Variants in ANKS1B observed in about 807,000 individuals in gnomAD.
The protein encoded by ANKS1B is ankyrin repeat and sterile alpha motif domain containing 1B.
Under a neutral mutation model 148.3 loss-of-function variants are expected in ANKS1B, and 36 were observed. That is an observed-to-expected ratio of 0.24 (90% confidence interval 0.19 to 0.32). The LOEUF (loss-of-function observed/expected upper bound fraction) is 0.32. ANKS1B is among the 10% of genes least tolerant of loss of function. The pLI, the probability that ANKS1B is intolerant of heterozygous loss-of-function variation, is 1.00. For missense variants in ANKS1B, 1,157 were observed against 1,542.6 expected, an observed-to-expected ratio of 0.75 and a Z score of 4.19; for synonymous variants, 542 against 560.8, an observed-to-expected ratio of 0.97 and a Z score of 0.47.
At chr12:99,135,181 T>A (rs1279292234) in intron 15 of ANKS1B, among the ~76,000 whole-genome samples, 2 of 152,152 alleles carry the variant, frequency 1.3e-5, no homozygotes, top group African/African-American at 4.8e-5. Context: ...GCCAAAATTT[T>A]AAAAATCTAT....
At chr12:99,662,058 C>T (rs2098480250) in intron 8 of ANKS1B, among the ~76,000 whole-genome samples, 1 of 152,204 alleles carries the variant, frequency 6.6e-6, no homozygotes, top group Admixed American at 6.5e-5. Flanking sequence ...CAGCCTTGGA[C>T]TGCCTAGCTC....
chr12:99,838,604 G>A (rs1014706052), intron 1 of ANKS1B, among the ~76,000 whole-genome samples: 2 of 151,896 alleles, frequency 1.3e-5, no homozygotes, highest in Non-Finnish European at 2.9e-5. Context: ...CGAACTTATG[G>A]TGTACTTTGC....
chr12:99,398,834 T>C (rs999636769), intron 12 of ANKS1B, among the ~76,000 whole-genome samples: 1 of 152,174 alleles, frequency 6.6e-6, no homozygotes, highest in African/African-American at 2.4e-5. Context: ...TTCCCCTTTT[T>C]TGTAAAACCT....
At chr12:98,760,880 G>A (rs533158249) in intron 25 of ANKS1B, among the ~76,000 whole-genome samples, 1 of 152,298 alleles carries the variant, frequency 6.6e-6, no homozygotes, top group African/African-American at 2.4e-5. Flanking sequence ...TTTGATCTCT[G>A]CACGAAGTCA....
At position 99,253,548 on chromosome 12, in the gene ANKS1B, G is replaced by T. The variant is rs1030679806; in HGVS notation, c.1757-6684C>A. ...ATGACATCCCTTCTCATTAAACGTG[G>T]GAAACAAAAAAGGATTTAGATAGAG... On this transcript the variant is annotated intron_variant, in intron 12 of 26. Coordinates refer to ENST00000683438, the MANE Select transcript of ANKS1B (RefSeq NM_001352186.2). 7.3e-5 allele frequency among the ~76,000 whole-genome samples: 11 copies of T among 151,638 alleles called. No homozygotes were observed. In the South Asian group the frequency reaches 1.0e-3, roughly 14 times the overall value.
intron 11 of ANKS1B, among the ~76,000 whole-genome samples, chr12:99,428,188 G>A (rs1417020895): frequency 1.3e-5 from 2 of 152,156 alleles, no homozygotes; most frequent in Non-Finnish European, 2.9e-5. Context: ...GTGAGGAGGT[G>A]TCCACATGTG....
At chr12:99,242,702 C>A (rs955767557) in intron 14 of ANKS1B, among the ~76,000 whole-genome samples, 2 of 152,086 alleles carry the variant, frequency 1.3e-5, no homozygotes, top group Non-Finnish European at 2.9e-5. Context: ...GATATATAGA[C>A]CAATGGAACA....
intron 14 of ANKS1B, among the ~76,000 whole-genome samples, chr12:99,226,459 G>C (rs1252540039): frequency 6.6e-6 from 1 of 152,150 alleles, no homozygotes; most frequent in East Asian, 1.9e-4. Flanking sequence ...GGAAATTCTT[G>C]TTTGATACAG....
intron 12 of ANKS1B, among the ~76,000 whole-genome samples, chr12:99,270,332 GA>G (rs1246158966): frequency 2.0e-5 from 3 of 152,076 alleles, no homozygotes; most frequent in Non-Finnish European, 4.4e-5. Flanking sequence ...GGCCTATTCT[GA>G]TCCCTAATTT....
chr12:99,100,427 T>C (rs538068810), intron 15 of ANKS1B, among the ~76,000 whole-genome samples: 3 of 152,318 alleles, frequency 2.0e-5, no homozygotes, highest in African/African-American at 7.2e-5. Context: ...ACTTTAAGTA[T>C]GGAGAATTCA....
chr12:98,958,464 A>G (rs1263137341), intron 17 of ANKS1B, among the ~76,000 whole-genome samples: 1 of 152,212 alleles, frequency 6.6e-6, no homozygotes, highest in South Asian at 2.1e-4. Flanking sequence ...GACTACTTCC[A>G]TGTCACTCTG....
At chr12:99,806,795 T>C (rs1602552375) in intron 3 of ANKS1B, 95 bp from the exon 4 acceptor site, 2 of 1,146,826 alleles carry the variant, frequency 1.7e-6, no homozygotes, top group Non-Finnish European at 2.4e-6. Context: ...TGCTTTGAAA[T>C]GTAAGTTAAG....
intron 12 of ANKS1B, among the ~76,000 whole-genome samples, chr12:99,361,312 C>T (rs905002890): frequency 1.3e-5 from 2 of 152,046 alleles, no homozygotes; most frequent in Non-Finnish European, 2.9e-5. Context: ...TTTGTCATCA[C>T]AGAAAAAGTT....
At chr12:99,108,389 A>C (rs2059648551) in intron 15 of ANKS1B, among the ~76,000 whole-genome samples, 1 of 152,234 alleles carries the variant, frequency 6.6e-6, no homozygotes, top group Admixed American at 6.5e-5. Context: ...ACTAACACAT[A>C]GTAGTCAATT....
chr12:99,288,488 G>C (rs1029332384), intron 12 of ANKS1B, among the ~76,000 whole-genome samples: 1 of 152,056 alleles, frequency 6.6e-6, no homozygotes, highest in African/African-American at 2.4e-5. Context: ...AAACTCACTG[G>C]TCATAATAAA....
At position 99,093,866 on chromosome 12, in the gene ANKS1B, G is replaced by A. The variant is rs996310763; in HGVS notation, c.2527-8843C>T. On this transcript the variant is annotated intron_variant, in intron 15 of 26. Transcript: ENST00000683438. ...GAGCAAAGAGGAAGAGAAAGGGAGG[G>A]AGGAAATGAGAGGAAGTGTTTATTC... Among the ~76,000 whole-genome samples the A allele has an allele frequency of 2.0e-5, 3 of 152,186 alleles. No homozygotes were observed. In the East Asian group the frequency reaches 5.8e-4, roughly 29 times the overall value.
At chr12:99,632,481 A>C (rs2098171348) in intron 9 of ANKS1B, among the ~76,000 whole-genome samples, 1 of 151,756 alleles carries the variant, frequency 6.6e-6, no homozygotes, top group Non-Finnish European at 1.5e-5. Context: ...TGCCAGAACT[A>C]TACAGCTGCC....
chr12:99,274,491 A>C (rs1266470351), intron 12 of ANKS1B, among the ~76,000 whole-genome samples: 1 of 152,186 alleles, frequency 6.6e-6, no homozygotes, highest in East Asian at 1.9e-4. Context: ...ATATTACAAA[A>C]GTCTCCTTTC....
chr12:98,958,085 C>A (rs185866079), intron 17 of ANKS1B, among the ~76,000 whole-genome samples: 75 of 152,308 alleles, frequency 4.9e-4, no homozygotes, highest in South Asian at 6.2e-4. Flanking sequence ...GTGAGCTTTA[C>A]GCTCAGGTTG....
Sources: allele counts gnomAD v4.1 joint callset (sites outside exome capture counted in the v4.1 genomes callset), GRCh38; gene constraint gnomAD v4.1.1; transcripts MANE v1.5; gene names NCBI Gene and HGNC (gene_info 2026-07-23, HGNC 2026-07-21).